The following AP4S1 variants were observed in gnomAD, a reference collection of about 807,000 sequenced individuals.
The protein encoded by AP4S1 is AP-4 complex subunit sigma-1.
Under a neutral mutation model 19.8 loss-of-function variants are expected in AP4S1, and 23 were observed. The ratio of observed to expected loss-of-function variants is 1.16; its 90% CI spans 0.84 to 1.65. The LOEUF is 1.65. Among genes scored for constraint, AP4S1 ranks in the 40% most tolerant of loss-of-function variants. The pLI is 0.00. For synonymous variants in AP4S1, 46 were observed against 54.1 expected (o/e 0.85, Z 0.66); for missense variants, 166 against 172.8 (o/e 0.96, Z 0.22).
chr14:31,084,624 C>A, intron 5 of AP4S1: 1 of 1,358,242 alleles, frequency 7.4e-7, no homozygotes. Context: ...CTCCTGTGCA[C>A]TCTTCAGTTC....
chr14:31,090,537 T>C (rs1333933321), intron 5 of AP4S1, among the ~76,000 whole-genome samples: 1 of 152,262 alleles, frequency 6.6e-6, no homozygotes, highest in Non-Finnish European at 1.5e-5. Flanking sequence ...AAGTTCATTA[T>C]AGCCTGAAGG....
chr14:31,050,817 G>T (rs755031346), intron 1 of AP4S1, among the ~76,000 whole-genome samples: 1 of 152,096 alleles, frequency 6.6e-6, no homozygotes, highest in African/African-American at 2.4e-5. Flanking sequence ...TCCCCTCCAC[G>T]ATACCATGTT....
chr14:31,085,022 C>G, intron 5 of AP4S1: 13 of 1,487,160 alleles, frequency 8.7e-6, no homozygotes, highest in Non-Finnish European at 1.2e-5. Context: ...TTTAAAGAGG[C>G]CTAAGGACTT....
At chr14:31,056,350 T>C (rs1216002756) in intron 1 of AP4S1, among the ~76,000 whole-genome samples, 1 of 151,806 alleles carries the variant, frequency 6.6e-6, no homozygotes, top group Non-Finnish European at 1.5e-5. Flanking sequence ...CATACTTGTT[T>C]TTTTTCTTTT....
intron 3 of AP4S1, among the ~76,000 whole-genome samples, chr14:31,071,931 G>T (rs56084170): frequency 0.63 from 91,995 of 145,808 alleles, 28,438 homozygotes; most frequent in Admixed American, 0.66. Context: ...GATTTTTTTT[G>T]GGGGGGTGGG....
intron 1 of AP4S1, among the ~76,000 whole-genome samples, chr14:31,043,648 A>G (rs912855992): frequency 6.6e-6 from 1 of 152,240 alleles, no homozygotes; most frequent in Non-Finnish European, 1.5e-5. Flanking sequence ...TTGACAGGTG[A>G]GAAAACTGAA....
intron 2 of AP4S1, among the ~76,000 whole-genome samples, chr14:31,067,993 C>T (rs1378238289): frequency 6.6e-6 from 1 of 151,786 alleles, no homozygotes. Context: ...CTCAGCCTCC[C>T]AGGTAGCTGG....
chr14:31,028,971 A>G (rs1213181131), intron 1 of AP4S1, among the ~76,000 whole-genome samples: 1 of 152,220 alleles, frequency 6.6e-6, no homozygotes, highest in Non-Finnish European at 1.5e-5. Context: ...CACACTTATA[A>G]CTGGTAACTT....
intron 1 of AP4S1, among the ~76,000 whole-genome samples, chr14:31,033,963 G>T (rs1394482063): frequency 6.6e-6 from 1 of 152,174 alleles, no homozygotes; most frequent in Admixed American, 6.5e-5. Flanking sequence ...AAAAGAAAAA[G>T]AAAGGATTGC....
In AP4S1 at chr14:31,041,800, C is replaced by T. The variant is rs145515350; in HGVS notation, c.-72+16013C>T. Among the ~76,000 whole-genome samples the T allele has an allele frequency of 1.8e-3, 276 of 152,298 alleles. 2 individuals are homozygous for T. The highest frequency in any genetic ancestry group is 6.4e-3 in the African/African-American group (268 of 41,568). ...TTCTTTGCCATTTCTAACCTATACC[C>T]ACAGTTTGTCAAAGTAAGTATTTAA... On this transcript the variant is annotated intron_variant, in intron 1 of 5. Transcript: ENST00000542754.
At chr14:31,044,495 C>A (rs976382343) in intron 1 of AP4S1, among the ~76,000 whole-genome samples, 1 of 151,948 alleles carries the variant, frequency 6.6e-6, no homozygotes, top group African/African-American at 2.4e-5. Context: ...GCACATGCCA[C>A]CATGCCAGGC....
At chr14:31,039,736 G>A (rs1433691827) in intron 1 of AP4S1, among the ~76,000 whole-genome samples, 1 of 151,662 alleles carries the variant, frequency 6.6e-6, no homozygotes, top group African/African-American at 2.4e-5. Context: ...GACTACAGGC[G>A]CGCGCCACCA....
chr14:31,028,580 A>G (rs1394012218), intron 1 of AP4S1, among the ~76,000 whole-genome samples: 2 of 147,388 alleles, frequency 1.4e-5, no homozygotes. Context: ...TGCTGCCTCA[A>G]AGACATACAC....
intron 1 of AP4S1, among the ~76,000 whole-genome samples, chr14:31,042,407 C>A (rs1216768411): frequency 6.6e-6 from 1 of 152,080 alleles, no homozygotes; most frequent in East Asian, 1.9e-4. Context: ...CACACTCTGG[C>A]CATTACCACT....
chr14:31,093,252 G>C lies in AP4S1; in HGVS notation c.*217G>C, dbSNP rs1485321504. 1 of 394,220 alleles carries C rather than the reference G, an allele frequency of 2.5e-6. No individual in the cohort carries two copies. Among genetic ancestry groups the C allele is most frequent in the African/African-American group, 2.1e-5 (1 of 47,070 alleles). 24.4% of individuals were successfully genotyped at this position (394,220 alleles called of 1,614,324 possible). A position where few individuals can be genotyped will look rare whatever the true frequency, so the allele number is the denominator to read the frequency against. On this transcript the variant is annotated 3_prime_UTR_variant, in exon 6 of 6. Transcript: ENST00000542754. ...AGAAAAAAATTTCTTTAAACTGAGA[G>C]AGAAGTTTTATTTTCTAATTGTAAA...
At chr14:31,069,665 A>G (rs1018316478) in intron 2 of AP4S1, among the ~76,000 whole-genome samples, 178 bp from the exon 3 acceptor site, 5 of 152,166 alleles carry the variant, frequency 3.3e-5, no homozygotes, top group African/African-American at 1.2e-4. Context: ...TCCACTAGAG[A>G]TGCTTCCAAG....
At position 31,053,078 on chromosome 14, in the gene AP4S1, T is replaced by A. The variant is rs368697635; in HGVS notation, c.-71-13048T>A. On this transcript the variant is annotated intron_variant, in intron 1 of 5. Coordinates refer to ENST00000542754, the MANE Select transcript of AP4S1 (RefSeq NM_001128126.3). ...GCCTTAGCCTCCCAAGTAGCTGGGATTATAGGCACCCACCACCATGCCCAG... is the reference window on the plus strand; with the variant it reads ...GCCTTAGCCTCCCAAGTAGCTGGGAATATAGGCACCCACCACCATGCCCAG... Among the ~76,000 whole-genome samples, 392 of 151,674 alleles carry A rather than the reference T, an allele frequency of 2.6e-3. 15 individuals are homozygous for A. The South Asian group carries it at 0.057, about 22-fold the overall frequency.
At chr14:31,038,649 G>A (rs1177178285) in intron 1 of AP4S1, among the ~76,000 whole-genome samples, 1 of 152,062 alleles carries the variant, frequency 6.6e-6, no homozygotes, top group Non-Finnish European at 1.5e-5. Context: ...ATGAAACTGG[G>A]TCTTCCTCAA....
At chr14:31,039,465 G>A (rs562658746) in intron 1 of AP4S1, among the ~76,000 whole-genome samples, 90 of 152,172 alleles carry the variant, frequency 5.9e-4, no homozygotes, top group Admixed American at 1.3e-3. Flanking sequence ...GATCACAGGC[G>A]TGAGCCACTG....
Sources: gnomAD v4.1 joint callset for allele counts (sites outside exome capture counted in the v4.1 genomes callset) on GRCh38, gnomAD v4.1.1 for gene constraint, MANE v1.5 for transcripts, NCBI Gene and HGNC (gene_info 2026-07-23, HGNC 2026-07-21) for gene names.